The following PPARGC1A variants were observed in gnomAD, a reference collection of about 807,000 sequenced individuals.
PPARGC1A encodes PPARG coactivator 1 alpha.
Under a neutral mutation model 88.7 loss-of-function variants are expected in PPARGC1A, and 25 were observed. The observed-to-expected ratio is 0.28, with a 90% confidence interval of 0.21 to 0.39. PPARGC1A has a LOEUF of 0.39. PPARGC1A is among the 10% of genes least tolerant of loss of function. The probability of loss-of-function intolerance (pLI) is 1.00; values close to 1 mark genes in which losing one functional copy is unlikely to be tolerated. For synonymous variants in PPARGC1A, 363 were observed against 355.6 expected (o/e 1.02, Z -0.24); for missense variants, 880 against 968.7 (o/e 0.91, Z 1.22).
rs546621850 is a variant in PPARGC1A at position 23,825,502 on chromosome 4, G to A, written c.758-994C>T. On this transcript the variant is annotated intron_variant, in intron 5 of 12. Transcript: ENST00000264867. ...CTTATCTTATGGTTGAAGAAACTGA[G>A]ACCCAATGATACTAAGTGATATTTT... Among the ~76,000 whole-genome samples the A allele has an allele frequency of 2.0e-5, 3 of 152,178 alleles. No individual in the cohort carries two copies. In the South Asian group the frequency reaches 6.2e-4, roughly 32 times the overall value.
At chr4:24,427,281 TA>T in the PPARGC1A span, among the ~76,000 whole-genome samples, 16 of 146,606 alleles carry the variant, frequency 1.1e-4, no homozygotes, top group African/African-American at 4.0e-4. Context: ...ATTCTTTATT[TA>T]TTTTTTTTTT....
the PPARGC1A span, among the ~76,000 whole-genome samples, chr4:23,976,061 G>A: frequency 6.6e-6 from 1 of 152,164 alleles, no homozygotes; most frequent in Non-Finnish European, 1.5e-5. Context: ...GCCAGCTATT[G>A]GAGTTTGAAA....
chr4:24,093,771 G>C, the PPARGC1A span, among the ~76,000 whole-genome samples: 1 of 152,206 alleles, frequency 6.6e-6, no homozygotes, highest in Non-Finnish European at 1.5e-5. Context: ...CATAGTCTTT[G>C]AAGTCAGACT....
the PPARGC1A span, among the ~76,000 whole-genome samples, chr4:24,042,281 C>T: frequency 6.6e-6 from 1 of 152,096 alleles, no homozygotes; most frequent in African/African-American, 2.4e-5. Context: ...AATGTATACA[C>T]CAAGTCACCC....
At chr4:24,400,059 T>C in the PPARGC1A span, among the ~76,000 whole-genome samples, 2 of 152,138 alleles carry the variant, frequency 1.3e-5, no homozygotes, top group Admixed American at 6.5e-5. Flanking sequence ...ATGCTAGAAT[T>C]ACAGGTGTGA....
At chr4:24,050,760 C>T in the PPARGC1A span, among the ~76,000 whole-genome samples, 5 of 152,168 alleles carry the variant, frequency 3.3e-5, no homozygotes, top group South Asian at 1.0e-3. Context: ...CTACAAAATG[C>T]AGACTGGCCA....
the PPARGC1A span, among the ~76,000 whole-genome samples, chr4:24,083,286 A>G: frequency 2.6e-5 from 4 of 152,184 alleles, no homozygotes; most frequent in Non-Finnish European, 5.9e-5. Context: ...ATAGCTTTTT[A>G]CAGTAGACAT....
the PPARGC1A span, among the ~76,000 whole-genome samples, chr4:23,979,875 C>T: frequency 6.6e-6 from 1 of 152,146 alleles, no homozygotes; most frequent in African/African-American, 2.4e-5. Flanking sequence ...CTCCTCTCTC[C>T]TCTGCTCAAC....
chr4:23,875,193 CTTTA>C (rs925349535), intron 2 of PPARGC1A, among the ~76,000 whole-genome samples: 2 of 152,130 alleles, frequency 1.3e-5, no homozygotes, highest in Non-Finnish European at 2.9e-5. Context: ...TCCTCAACAT[CTTTA>C]TTTGAGAATT....
At chr4:24,387,805 A>AAAGG in the PPARGC1A span, among the ~76,000 whole-genome samples, 5 of 116,652 alleles carry the variant, frequency 4.3e-5, no homozygotes, top group African/African-American at 1.4e-4. Flanking sequence ...AGAAAGAAAG[A>AAAGG]AAGAAAGAAA....
chr4:24,401,442 A>G, the PPARGC1A span, among the ~76,000 whole-genome samples: 1 of 152,200 alleles, frequency 6.6e-6, no homozygotes, highest in Non-Finnish European at 1.5e-5. Context: ...ACGTTTGCCC[A>G]TGAGTCCAAG....
At chr4:24,092,761 C>A in the PPARGC1A span, among the ~76,000 whole-genome samples, 1 of 152,262 alleles carries the variant, frequency 6.6e-6, no homozygotes, top group South Asian at 2.1e-4. Context: ...TATAGTGGTG[C>A]CCCATGCTCC....
intron 12 of PPARGC1A, among the ~76,000 whole-genome samples, chr4:23,798,041 A>G (rs7683708): frequency 1.3e-5 from 2 of 151,676 alleles, no homozygotes; most frequent in Admixed American, 6.6e-5. Context: ...AAAGCTCCCC[A>G]ACTGGGTACC....
At chr4:24,122,911 G>A in the PPARGC1A span, among the ~76,000 whole-genome samples, 1 of 152,142 alleles carries the variant, frequency 6.6e-6, no homozygotes, top group African/African-American at 2.4e-5. Flanking sequence ...AAGACCCCGG[G>A]ATAACATGTC....
the PPARGC1A span, among the ~76,000 whole-genome samples, chr4:23,953,756 T>G: frequency 2.0e-5 from 3 of 152,022 alleles, no homozygotes; most frequent in South Asian, 6.2e-4. Flanking sequence ...CATTTTATAA[T>G]CGATTCAAGT....
the PPARGC1A span, among the ~76,000 whole-genome samples, chr4:24,090,457 T>G: frequency 6.6e-6 from 1 of 152,310 alleles, no homozygotes; most frequent in South Asian, 2.1e-4. Context: ...GAAGAAGAAA[T>G]CTTCAGAAAA....
chr4:23,961,287 C>T, the PPARGC1A span, among the ~76,000 whole-genome samples: 231 of 152,288 alleles, frequency 1.5e-3, no homozygotes, highest in Non-Finnish European at 2.4e-3. Flanking sequence ...AGGTCAAAAT[C>T]TCCTAACTGG....
intron 12 of PPARGC1A, among the ~76,000 whole-genome samples, chr4:23,799,795 A>G (rs534603049): frequency 3.3e-5 from 5 of 152,238 alleles, no homozygotes; most frequent in Non-Finnish European, 2.9e-5. Context: ...CCAGTGATGA[A>G]TCGTGATCTA....
At chr4:23,906,892 C>T (rs1216796719), upstream of PPARGC1A, among the ~76,000 whole-genome samples, 2 of 152,122 alleles carry the variant, frequency 1.3e-5, no homozygotes, top group Non-Finnish European at 2.9e-5. Context: ...GATCTCCTCT[C>T]ATTTAGGAAA....
Sources: gnomAD v4.1 joint callset for allele counts (sites outside exome capture counted in the v4.1 genomes callset) on GRCh38, gnomAD v4.1.1 for gene constraint, MANE v1.5 for transcripts, NCBI Gene and HGNC (gene_info 2026-07-23, HGNC 2026-07-21) for gene names.